PPP1R3F: variants seen among roughly 807,000 people sequenced by gnomAD.
The protein encoded by PPP1R3F is protein phosphatase 1 regulatory subunit 3F, also known as protein phosphatase 1, regulatory (inhibitor) subunit 3F.
A neutral mutation model predicts 24.2 loss-of-function variants in PPP1R3F; 29 were observed. The ratio of observed to expected loss-of-function variants is 1.20; its 90% confidence interval spans 0.89 to 1.63. The LOEUF is 1.63. Ranked by LOEUF, PPP1R3F falls within the 40% of genes most tolerant of loss-of-function variation. The pLI is 0.00. For missense variants in PPP1R3F, 823 were observed against 729.3 expected, an observed-to-expected ratio of 1.13 and a Z score of -1.48; for synonymous variants, 363 against 340.1, an observed-to-expected ratio of 1.07 and a Z score of -0.74.
At chrX:49,276,300 T>C (rs1557120005) in intron 1 of PPP1R3F, among the ~76,000 whole-genome samples, 1 of 112,606 alleles carries the variant, frequency 8.9e-6, no homozygotes, top group Admixed American at 9.4e-5. Context: ...ATAGGTACTT[T>C]TCAAATATTT....
chrX:49,298,653 C>G (rs1237872079), intron 3 of PPP1R3F, among the ~76,000 whole-genome samples: 2 of 111,593 alleles, frequency 1.8e-5, no homozygotes, highest in Non-Finnish European at 3.8e-5. Context: ...GTACACCAGT[C>G]AAATGTAGGT....
rs111938103 is a variant in PPP1R3F at position 49,270,251 on chromosome X, C to T, written c.382C>T (p.Leu128=). The stretch of plus-strand genomic sequence containing the variant: ...TTCGCTGCCGCCCGCGCCGGGCCGT[C>T]TGGAGCGCTTGGGGCGCGTCATGGT... ...TFSLPPAPGR[L]ERLGRVMVEL... is the part of the protein sequence containing the mutation. Residue 128 remains leucine (L), a synonymous_variant, in exon 1 of 4, where the codon CTG becomes TTG. Transcript: ENST00000055335. The T allele has an allele frequency of 0.014, 15,263 of 1,098,984 alleles. 1,302 individuals are homozygous for T. In the African/African-American group the frequency reaches 0.25, roughly 18 times the overall value. 90.6% of individuals were successfully genotyped at this position (1,098,984 alleles called of 1,213,427 possible). A position where few individuals can be genotyped will look rare whatever the true frequency, so the allele number is the denominator to read the frequency against.
Position 49,270,426 on chromosome X carries a change from A to G in PPP1R3F, c.557A>G (p.Asp186Gly). 8.4e-7 allele frequency: 1 copy of G among 1,189,737 alleles called. No individual in the cohort carries two copies. The highest frequency in any genetic ancestry group is 1.1e-6 in the Non-Finnish European group (1 of 889,967). Residue 186 changes from aspartate (D) to glycine (G), a missense_variant, in exon 1 of 4, where the codon GAC (aspartate) becomes GGC (glycine). Asp to Gly is a moderately conservative substitution (Grantham distance 94). Transcript: ENST00000055335. The part of the protein sequence containing the change: ...EKAVHVRASH[D>G]GWASFCDHPA... ...GCGGTGCACGTGCGGGCCTCACACG[A>G]CGGCTGGGCTTCCTTTTGCGACCAC...
rs2066282688 is a variant in PPP1R3F, at chrX:49,286,245, GGGATGTCCCCCAGC to G, written c.1556_1569del (p.Gly519AlafsTer19). On this transcript the variant is annotated frameshift_variant, in exon 4 of 4. Transcript: ENST00000055335. LOFTEE classifies it high-confidence loss of function. Reference sequence around the variant, plus strand: ...TGGTGGGGAGGGCTCCACAGATGGAGGGATGTCCCCCAGCCATCCCCTGGGCATACTGACGGACC... The same window carrying G: ...TGGTGGGGAGGGCTCCACAGATGGAGCATCCCCTGGGCATACTGACGGACC... 1.7e-6 allele frequency: 2 copies of G among 1,209,262 alleles called. No homozygotes were observed. Among genetic ancestry groups the G allele is most frequent in the Non-Finnish European group, 2.2e-6 (2 of 894,818 alleles).
intron 3 of PPP1R3F, among the ~76,000 whole-genome samples, chrX:49,285,284 A>G (rs1233390681): frequency 2.7e-5 from 3 of 110,140 alleles, no homozygotes; most frequent in Admixed American, 1.9e-4. Flanking sequence ...GCTCACTGCA[A>G]TCTCTGCCCT....
In PPP1R3F at chrX:49,285,890, C is replaced by T; in HGVS notation, c.1200C>T (p.Ser400=). 8.3e-7 allele frequency: 1 copy of T among 1,198,427 alleles called. No individual in the cohort carries two copies. The highest frequency in any genetic ancestry group is 1.8e-5 in the South Asian group (1 of 55,053). Residue 400 remains serine (S), a synonymous_variant, in exon 4 of 4, where the codon AGC becomes AGT. Transcript: ENST00000055335. ...NPAEEGDVPR[S]SPPVAFTEVL... is the part of the protein sequence containing the mutation. ...CAGAAGAAGGTGATGTCCCCAGAAGCAGTCCACCTGTGGCTTTTACAGAGG... is the reference window on the plus strand; with the variant it reads ...CAGAAGAAGGTGATGTCCCCAGAAGTAGTCCACCTGTGGCTTTTACAGAGG...
chrX:49,300,066 A>G (rs1193533677), intron 3 of PPP1R3F, among the ~76,000 whole-genome samples: 3 of 111,646 alleles, frequency 2.7e-5, no homozygotes, highest in Non-Finnish European at 5.6e-5. Context: ...TATGAAAAAC[A>G]ACTCCTGCAG....
intron 1 of PPP1R3F, among the ~76,000 whole-genome samples, chrX:49,279,975 A>T (rs1213941967): frequency 1.2e-4 from 14 of 112,095 alleles, no homozygotes; most frequent in Non-Finnish European, 2.3e-4. Flanking sequence ...TCTACAGTTG[A>T]TTCAATCCCA....
rs782694069 is a variant in PPP1R3F, at chrX:49,287,038, G to C, written c.2348G>C (p.Gly783Ala). ...LVVVPVALNS[G>A]VSLLVLALCL... Reference sequence around the variant, plus strand: ...GTGGTCCCTGTGGCTCTGAACAGCGGTGTGTCCCTCCTGGTGCTTGCGCTG... The same window carrying C: ...GTGGTCCCTGTGGCTCTGAACAGCGCTGTGTCCCTCCTGGTGCTTGCGCTG... Residue 783 changes from glycine to alanine, a missense_variant, in exon 4 of 4, where the codon GGT becomes GCT. Physicochemically the swap from Gly to Ala is moderately conservative, Grantham distance 60. Coordinates refer to ENST00000055335, the MANE Select transcript of PPP1R3F (RefSeq NM_033215.5). 8.3e-7 allele frequency: 1 copy of C among 1,211,902 alleles called. No individual in the cohort carries two copies. Among genetic ancestry groups the C allele is most frequent in the Middle Eastern group, 2.3e-4 (1 of 4,354 alleles).
Position 49,286,612 on chromosome X carries a change from A to T in PPP1R3F, c.1922A>T (p.Asp641Val). ...VLGTEGQFIGDPEKGMGKDTS... is the reference protein window; with the variant it reads ...VLGTEGQFIGVPEKGMGKDTS... Reference sequence around the variant, plus strand: ...GGTACAGAGGGTCAGTTCATTGGGGATCCTGAGAAAGGGATGGGCAAGGAC... The same window carrying T: ...GGTACAGAGGGTCAGTTCATTGGGGTTCCTGAGAAAGGGATGGGCAAGGAC... Residue 641 changes from aspartate to valine, a missense_variant, in exon 4 of 4, where the codon GAT (aspartate) becomes GTT (valine). Physicochemically the swap from Asp to Val is radical, Grantham distance 152. Transcript: ENST00000055335. 5.8e-6 allele frequency: 7 copies of T among 1,210,874 alleles called. No homozygotes were observed. Among genetic ancestry groups the T allele is most frequent in the Non-Finnish European group, 7.8e-6 (7 of 895,071 alleles).
chrX:49,285,336 C>T (rs1401492588), intron 3 of PPP1R3F, among the ~76,000 whole-genome samples: 1 of 110,626 alleles, frequency 9.0e-6, no homozygotes, highest in Non-Finnish European at 1.9e-5. Context: ...CTTGAGATTA[C>T]AGGCGCACAA....
intron 1 of PPP1R3F, 30 bp downstream of exon 1, chrX:49,270,903 C>T (rs782573496): frequency 5.3e-6 from 6 of 1,142,519 alleles, no homozygotes; most frequent in East Asian, 3.2e-5. Context: ...CCTCCGCCAA[C>T]GCAGGGCTGT....
rs1278736108 is a variant in PPP1R3F, at chrX:49,286,430, A to G, written c.1740A>G (p.Glu580=). Residue 580 remains glutamate, a synonymous_variant, in exon 4 of 4, where the codon GAA becomes GAG. Coordinates refer to ENST00000055335, the MANE Select transcript of PPP1R3F (RefSeq NM_033215.5). The part of the protein sequence containing the change: ...TEDPDDEGEG[E]EGLSVTPSSP... ...ACCCTGATGATGAAGGGGAGGGTGAAGAGGGGCTCTCTGTCACACCCTCCA... is the reference window on the plus strand; with the variant it reads ...ACCCTGATGATGAAGGGGAGGGTGAGGAGGGGCTCTCTGTCACACCCTCCA... 1 of 1,191,917 alleles carries G rather than the reference A, an allele frequency of 8.4e-7. No homozygotes were observed. The highest frequency in any genetic ancestry group is 1.1e-6 in the Non-Finnish European group (1 of 883,775).
At chrX:49,298,389 T>G (rs2066329247) in intron 3 of PPP1R3F, among the ~76,000 whole-genome samples, 1 of 112,551 alleles carries the variant, frequency 8.9e-6, no homozygotes, top group Non-Finnish European at 1.9e-5. Context: ...CCACTCTTAG[T>G]CTGATGGGCT....
At chrX:49,272,295 C>T (rs782102732) in intron 1 of PPP1R3F, among the ~76,000 whole-genome samples, 1 of 112,052 alleles carries the variant, frequency 8.9e-6, no homozygotes, top group African/African-American at 3.3e-5. Context: ...GGGCAGGCAG[C>T]ATGGTTTTTC....
downstream of PPP1R3F, among the ~76,000 whole-genome samples, chrX:49,290,174 G>A (rs1316025637): frequency 8.9e-6 from 1 of 111,942 alleles, no homozygotes; most frequent in Non-Finnish European, 1.9e-5. Flanking sequence ...TAGCATGAGT[G>A]TCCGAGACTC....
chrX:49,278,870 A>G (rs1358856135), intron 1 of PPP1R3F, among the ~76,000 whole-genome samples: 1 of 112,329 alleles, frequency 8.9e-6, no homozygotes, highest in East Asian at 2.8e-4. Flanking sequence ...CCCTCTATCT[A>G]CTTCTAGAAA....
Position 49,286,343 on chromosome X carries a change from G to A in PPP1R3F, c.1653G>A (p.Glu551=). ...GGGCCCTGAACAGCGCCCTGGCTGA[G>A]GAGATCACGCTGCACTATGCCCGGC... ...PERALNSALA[E]EITLHYARLG... The change falls in exon 4 of 4, where the codon GAG becomes GAA. Residue 551 remains glutamate, a synonymous_variant. Coordinates refer to ENST00000055335, the MANE Select transcript of PPP1R3F (RefSeq NM_033215.5). 1 of 1,205,029 alleles carries A rather than the reference G, an allele frequency of 8.3e-7. No individual in the cohort carries two copies. The highest frequency in any genetic ancestry group is 3.0e-5 in the East Asian group (1 of 33,717).
chrX:49,293,930 G>T (rs1449362924), intron 3 of PPP1R3F, among the ~76,000 whole-genome samples: 1 of 111,479 alleles, frequency 9.0e-6, no homozygotes, highest in Admixed American at 9.5e-5. Flanking sequence ...GGAGGCAGAG[G>T]TTGCAGTGAG....
Sources: allele counts gnomAD v4.1 joint callset (sites outside exome capture counted in the v4.1 genomes callset), GRCh38; gene constraint gnomAD v4.1.1; transcripts MANE v1.5; gene names NCBI Gene and HGNC (gene_info 2026-07-23, HGNC 2026-07-21).